TDRD1: variants seen among roughly 807,000 people sequenced by gnomAD.
The protein encoded by TDRD1 is tudor domain containing 1.
TDRD1 carries 37 observed loss-of-function variants against 140.6 expected under a neutral mutation model. The ratio of observed to expected loss-of-function variants is 0.26; its 90% CI spans 0.20 to 0.35. The LOEUF is 0.35. Ranked by LOEUF, TDRD1 falls within the 10% of genes least tolerant of loss-of-function variation. TDRD1 has a pLI of 1.00. For missense variants in TDRD1, 1,243 were observed against 1,393.0 expected, an observed-to-expected ratio of 0.89 and a Z score of 1.71; for synonymous variants, 506 against 475.7, an observed-to-expected ratio of 1.06 and a Z score of -0.83.
intron 21 of TDRD1, 39 bp from the exon 22 acceptor site, chr10:114,226,010 G>C: frequency 6.4e-7 from 1 of 1,569,174 alleles, no homozygotes; most frequent in Non-Finnish European, 8.8e-7. Context: ...AGGAATCACT[G>C]ACTGTAAGTT....
chr10:114,191,084 A>C (rs972051633), intron 3 of TDRD1, 65 bp downstream of exon 3: 4 of 1,504,770 alleles, frequency 2.7e-6, no homozygotes, highest in Admixed American at 1.8e-5. Flanking sequence ...TTATTTATTT[A>C]ATAAAGAAGT....
At chr10:114,231,356 A>G (rs1450043310) in intron 25 of TDRD1, 6 of 736,010 alleles carry the variant, frequency 8.2e-6, no homozygotes, top group Non-Finnish European at 9.2e-6. Context: ...TTCTTAACTG[A>G]CAGGTCTGGC....
At chr10:114,207,518 G>A (rs983073151) in intron 11 of TDRD1, among the ~76,000 whole-genome samples, 2 of 152,036 alleles carry the variant, frequency 1.3e-5, no homozygotes, top group Non-Finnish European at 2.9e-5. Flanking sequence ...TATGTGATAT[G>A]CCTAAGAACA....
chr10:114,222,596 A>G, exon 21 of TDRD1: 1 of 1,604,052 alleles, frequency 6.2e-7, no homozygotes, highest in Non-Finnish European at 8.5e-7. Context: ...GAAAATCAGG[A>G]AAAGCTGTGC....
At chr10:114,219,691 G>A (rs973377128) in intron 18 of TDRD1, among the ~76,000 whole-genome samples, 16 of 151,110 alleles carry the variant, frequency 1.1e-4, no homozygotes, top group African/African-American at 3.7e-4. Flanking sequence ...AGATTCAAGC[G>A]ATTCTCCTAC....
At chr10:114,229,882 G>T (rs1179311650) in intron 25 of TDRD1, among the ~76,000 whole-genome samples, 4 of 150,808 alleles carry the variant, frequency 2.7e-5, no homozygotes, top group Admixed American at 6.6e-5. Flanking sequence ...CCAGGCTGGA[G>T]TGCAGTGGCG....
intron 11 of TDRD1, among the ~76,000 whole-genome samples, chr10:114,210,076 A>T (rs1003543675): frequency 6.6e-6 from 1 of 152,108 alleles, no homozygotes; most frequent in African/African-American, 2.4e-5. Flanking sequence ...GGTTAGCCCT[A>T]ATTATTTTTC....
At chr10:114,231,406 G>T in intron 25 of TDRD1, 1 of 1,168,046 alleles carries the variant, frequency 8.6e-7, no homozygotes, top group Non-Finnish European at 1.3e-6. Context: ...TATTTTGTTT[G>T]CTTGTATTTG....
upstream of TDRD1, among the ~76,000 whole-genome samples, chr10:114,178,520 T>C (rs1245730367): frequency 6.6e-6 from 1 of 152,220 alleles, no homozygotes; most frequent in Non-Finnish European, 1.5e-5. Context: ...AAAGTATCTT[T>C]TCTAAAAATG....
chr10:114,232,504 C>CTTTT (rs140805425), downstream of TDRD1, among the ~76,000 whole-genome samples: 4 of 81,678 alleles, frequency 4.9e-5, no homozygotes, highest in South Asian at 5.2e-4. Context: ...ACTTGAAAGA[C>CTTTT]TTTTTTTTTT....
chr10:114,202,638 A>T (rs181130752), intron 6 of TDRD1, among the ~76,000 whole-genome samples: 30 of 152,316 alleles, frequency 2.0e-4, no homozygotes, highest in Middle Eastern at 3.4e-3. Context: ...AGGCAACAAC[A>T]TGGGCTGAAT....
chr10:114,216,629 T>C lies in TDRD1; in HGVS notation c.2213-916T>C, dbSNP rs778875578. On this transcript the variant is annotated intron_variant, in intron 16 of 25. Transcript: ENST00000251864. ...AATCCTTGTACTGTGATTTTTACTT[T>C]AGGAGTAGATCTCTGGGACAAGTTG... Among the ~76,000 whole-genome samples the C allele has an allele frequency of 5.9e-5, 9 of 152,314 alleles. No homozygotes were observed. In the South Asian group the frequency reaches 1.7e-3, roughly 28 times the overall value.
upstream of TDRD1, among the ~76,000 whole-genome samples, chr10:114,177,977 C>T (rs536699519): frequency 1.1e-4 from 16 of 151,564 alleles, no homozygotes; most frequent in Non-Finnish European, 2.1e-4. Context: ...GGATTACAGG[C>T]GCCTGCCACC....
At chr10:114,197,840 A>G (rs1233234377) in intron 3 of TDRD1, among the ~76,000 whole-genome samples, 2 of 151,866 alleles carry the variant, frequency 1.3e-5, no homozygotes, top group Non-Finnish European at 2.9e-5. Flanking sequence ...GTATTTTCGT[A>G]GAGATGGGGT....
intron 25 of TDRD1, among the ~76,000 whole-genome samples, chr10:114,229,042 T>C (rs527849043): frequency 1.3e-5 from 2 of 152,044 alleles, no homozygotes; most frequent in Non-Finnish European, 2.9e-5. Flanking sequence ...AAGACTGCTA[T>C]TATACTCCAG....
intron 1 of TDRD1, among the ~76,000 whole-genome samples, chr10:114,180,918 A>G (rs2033002131): frequency 6.6e-6 from 1 of 152,220 alleles, no homozygotes; most frequent in South Asian, 2.1e-4. Flanking sequence ...GTGGTATCCT[A>G]GAGGGAGAAG....
intron 19 of TDRD1, 45 bp downstream of exon 19, chr10:114,220,888 G>T: frequency 7.0e-7 from 1 of 1,437,402 alleles, no homozygotes; most frequent in Non-Finnish European, 9.6e-7. Flanking sequence ...GTTATTCTTT[G>T]CTCTCAGAGA....
chr10:114,221,294 C>T lies in TDRD1; in HGVS notation c.2771-63C>T, dbSNP rs2036128085. 1.0e-5 allele frequency: 15 copies of T among 1,467,876 alleles called. No individual in the cohort carries two copies. In the Middle Eastern group the frequency reaches 6.3e-4, roughly 62 times the overall value. 90.9% of individuals were successfully genotyped at this position (1,467,876 alleles called of 1,614,324 possible). ...ACAAATGATTGAATTAAATATGTTA[C>T]TGAGGAAAACAACAGTACATTTTTT... On this transcript the variant is annotated intron_variant, in intron 19 of 25. Transcript: ENST00000251864.
intron 16 of TDRD1, 63 bp downstream of exon 16, chr10:114,214,177 A>G (rs1427986211): frequency 1.4e-5 from 20 of 1,453,932 alleles, no homozygotes; most frequent in South Asian, 2.4e-5. Flanking sequence ...ATAACTTCAC[A>G]TGAGTTTGTT....
Sources: allele counts gnomAD v4.1 joint callset (sites outside exome capture counted in the v4.1 genomes callset), GRCh38; gene constraint gnomAD v4.1.1; transcripts MANE v1.5; gene names NCBI Gene and HGNC (gene_info 2026-07-23, HGNC 2026-07-21).